Variants in SRGAP1 observed in about 807,000 individuals in gnomAD.
SRGAP1 encodes the protein SLIT-ROBO Rho GTPase-activating protein 1.
SRGAP1 carries 43 observed loss-of-function variants against 121.9 expected under a neutral mutation model. That is an observed-to-expected ratio of 0.35 (90% CI 0.28 to 0.46). The LOEUF (loss-of-function observed/expected upper bound fraction) is 0.46, where lower values mean the gene tolerates loss of function less well. Ranked by LOEUF, SRGAP1 falls within the 20% of genes least tolerant of loss-of-function variation. The probability of loss-of-function intolerance (pLI) is 1.00; values close to 1 mark genes in which losing one functional copy is unlikely to be tolerated. For synonymous variants in SRGAP1, 447 were observed against 485.4 expected, an observed-to-expected ratio of 0.92 and a Z score of 1.04; for missense variants, 1,102 against 1,350.9, an observed-to-expected ratio of 0.82 and a Z score of 2.89.
chr12:63,990,513 C>A (rs1427880203), intron 3 of SRGAP1, among the ~76,000 whole-genome samples: 1 of 152,110 alleles, frequency 6.6e-6, no homozygotes, highest in African/African-American at 2.4e-5. Context: ...GCCTGGGCGA[C>A]AGAGTGAGAC....
At chr12:64,086,486 T>C (rs1156690914) in intron 10 of SRGAP1, among the ~76,000 whole-genome samples, 1 of 152,198 alleles carries the variant, frequency 6.6e-6, no homozygotes, top group Non-Finnish European at 1.5e-5. Context: ...GCAAATGTCA[T>C]TTCTGATTAC....
At position 64,157,244 on chromosome 12, in the gene SRGAP1, C is replaced by T. The variant is rs1453108336; in HGVS notation, c.*14572C>T. 1 of 152,140 alleles carries T rather than the reference C, an allele frequency of 6.6e-6. No individual in the cohort carries two copies. Among genetic ancestry groups the T allele is most frequent in the Non-Finnish European group, 1.5e-5 (1 of 68,050 alleles). The allele number at this position is 152,140 out of a possible 1,614,324, so 9.4% of individuals were successfully genotyped here. On this transcript the variant is annotated 3_prime_UTR_variant, in exon 22 of 22. Coordinates refer to ENST00000355086, the MANE Select transcript of SRGAP1 (RefSeq NM_020762.4). Reference sequence around the variant, plus strand: ...CACTGTAGGAAGAGCTGAAGCAGGGCCTAAAACACTATAGTGCAAGTATCT... The same window carrying T: ...CACTGTAGGAAGAGCTGAAGCAGGGTCTAAAACACTATAGTGCAAGTATCT...
chr12:64,080,255 A>C, intron 9 of SRGAP1, 31 bp from the exon 10 acceptor site: 1 of 1,564,998 alleles, frequency 6.4e-7, no homozygotes, highest in Non-Finnish European at 8.7e-7. Flanking sequence ...AAAAAAAAAA[A>C]AGATTTAAAA....
intron 1 of SRGAP1, among the ~76,000 whole-genome samples, chr12:63,854,426 A>G (rs956594312): frequency 1.3e-5 from 2 of 152,198 alleles, no homozygotes; most frequent in Non-Finnish European, 2.9e-5. Flanking sequence ...CATGCTGAGT[A>G]ATAATGGATG....
At chr12:64,095,073 G>A in intron 13 of SRGAP1, 54 bp from the exon 14 acceptor site, 3 of 1,608,182 alleles carry the variant, frequency 1.9e-6, no homozygotes, top group Non-Finnish European at 2.6e-6. Flanking sequence ...GGGAAAAGAG[G>A]GACCTAGACA....
At chr12:64,008,936 C>T (rs1178359105) in intron 3 of SRGAP1, among the ~76,000 whole-genome samples, 1 of 152,086 alleles carries the variant, frequency 6.6e-6, no homozygotes, top group Non-Finnish European at 1.5e-5. Flanking sequence ...ACATAATATA[C>T]TTATAATCCC....
chr12:63,846,411 G>A (rs1043689865), intron 1 of SRGAP1, among the ~76,000 whole-genome samples: 2 of 152,116 alleles, frequency 1.3e-5, no homozygotes, highest in Non-Finnish European at 2.9e-5. Context: ...AGGTCTTCAA[G>A]GGGTGGCGGT....
intron 1 of SRGAP1, among the ~76,000 whole-genome samples, chr12:63,848,737 A>C (rs1340574608): frequency 1.3e-5 from 2 of 152,076 alleles, no homozygotes; most frequent in African/African-American, 4.8e-5. Flanking sequence ...GTGTCTTTGA[A>C]TCTAATTGAA....
intron 7 of SRGAP1, among the ~76,000 whole-genome samples, chr12:64,064,408 A>G (rs549038479): frequency 6.6e-6 from 1 of 152,350 alleles, no homozygotes; most frequent in South Asian, 2.1e-4. Flanking sequence ...AATATCTTCT[A>G]TCAAAACCTA....
chr12:64,140,137 T>G (rs1267558920), intron 21 of SRGAP1, among the ~76,000 whole-genome samples: 116 of 144,750 alleles, frequency 8.0e-4, no homozygotes, highest in African/African-American at 3.0e-3. Flanking sequence ...CTGTTTTGGT[T>G]ACTGTAGCCT....
At position 64,091,280 on chromosome 12, in the gene SRGAP1, C is replaced by G; in HGVS notation, c.1441C>G (p.Pro481Ala). 6.3e-7 allele frequency: 1 copy of G among 1,589,306 alleles called. No homozygotes were observed. The highest frequency in any genetic ancestry group is 8.6e-7 in the Non-Finnish European group (1 of 1,164,274). The stretch of plus-strand genomic sequence containing the variant: ...AATTATATTCCCTTCCCTTAGGCCT[C>G]CAAATGTTCCCCCTAAGCCCCAGAA... ...HRAEYMTTRPPNVPPKPQKHR... is the reference protein window; with the variant it reads ...HRAEYMTTRPANVPPKPQKHR... Residue 481 changes from proline to alanine, a missense_variant, in exon 12 of 22, where the codon CCA becomes GCA. Physicochemically the swap from Pro to Ala is conservative, Grantham distance 27. This residue lies in a region of SRGAP1 where 747 missense variants were observed against 929.4 expected (regional missense o/e 0.80). Coordinates refer to ENST00000355086, the MANE Select transcript of SRGAP1 (RefSeq NM_020762.4).
chr12:64,107,123 T>A (rs892664301), intron 15 of SRGAP1, among the ~76,000 whole-genome samples: 1 of 152,210 alleles, frequency 6.6e-6, no homozygotes, highest in Non-Finnish European at 1.5e-5. Context: ...ATTGCTTGTT[T>A]TGTCAGCTCA....
chr12:64,049,006 A>G (rs1284498061), intron 6 of SRGAP1, among the ~76,000 whole-genome samples: 1 of 151,938 alleles, frequency 6.6e-6, no homozygotes, highest in African/African-American at 2.4e-5. Flanking sequence ...TTTTAACTTG[A>G]TGTGTTTCCA....
chr12:64,025,960 G>A (rs948175219), intron 4 of SRGAP1, among the ~76,000 whole-genome samples: 1 of 152,106 alleles, frequency 6.6e-6, no homozygotes, highest in African/African-American at 2.4e-5. Flanking sequence ...AGACATCTTT[G>A]AGGGCATTCT....
chr12:64,141,349 A>G (rs539214708), intron 21 of SRGAP1, among the ~76,000 whole-genome samples: 171 of 151,930 alleles, frequency 1.1e-3, no homozygotes, highest in African/African-American at 3.9e-3. Flanking sequence ...TGGGAGGCCA[A>G]GGCAGGCGGA....
chr12:63,908,665 C>T (rs1455489006), intron 1 of SRGAP1, among the ~76,000 whole-genome samples: 1 of 152,184 alleles, frequency 6.6e-6, no homozygotes, highest in Non-Finnish European at 1.5e-5. Context: ...TCTGGGATTA[C>T]AGGCATGAGC....
At chr12:64,047,656 C>T (rs2136513183) in intron 6 of SRGAP1, among the ~76,000 whole-genome samples, 1 of 152,230 alleles carries the variant, frequency 6.6e-6, no homozygotes, top group South Asian at 2.1e-4. Flanking sequence ...CTTTTACCTT[C>T]CACTCATGTC....
At position 64,151,604 on chromosome 12, in the gene SRGAP1, A is replaced by T. The variant is rs1332095671; in HGVS notation, c.*8932A>T. ...TTCCAGCAAAGTTGTACAAATTTAC[A>T]TCCCTGCCAGTAATGCATAACAGTA... is the stretch of plus-strand genomic sequence containing the variant. On this transcript the variant is annotated 3_prime_UTR_variant, in exon 22 of 22. Coordinates refer to ENST00000355086, the MANE Select transcript of SRGAP1 (RefSeq NM_020762.4). 1 of 152,188 alleles carries T rather than the reference A, an allele frequency of 6.6e-6. No homozygotes were observed. Among genetic ancestry groups the T allele is most frequent in the Non-Finnish European group, 1.5e-5 (1 of 68,042 alleles). The allele number at this position is 152,188 out of a possible 1,614,324, so 9.4% of individuals were successfully genotyped here.
intron 6 of SRGAP1, among the ~76,000 whole-genome samples, chr12:64,049,084 A>G (rs1433138309): frequency 6.6e-6 from 1 of 152,160 alleles, no homozygotes; most frequent in Non-Finnish European, 1.5e-5. Flanking sequence ...GCCCAGACCA[A>G]TTGCCTGGAG....
Sources: allele counts gnomAD v4.1 joint callset (sites outside exome capture counted in the v4.1 genomes callset), GRCh38; gene constraint gnomAD v4.1.1; regional missense constraint gnomAD v4.1.1; transcripts MANE v1.5; gene names NCBI Gene and HGNC (gene_info 2026-07-23, HGNC 2026-07-21).